The following DOCK2 variants were observed in gnomAD, a reference collection of about 807,000 sequenced individuals.
The protein encoded by DOCK2 is dedicator of cytokinesis 2, also known as dedicator of cytokinesis protein 2.
In DOCK2, 87 loss-of-function variants were observed where a neutral mutation model predicts 248.9. The observed-to-expected ratio is 0.35, with a 90% CI of 0.29 to 0.42. The LOEUF (loss-of-function observed/expected upper bound fraction) is 0.42. Ranked by LOEUF, DOCK2 falls within the 10% of genes least tolerant of loss-of-function variation. The pLI, the probability that DOCK2 is intolerant of heterozygous loss-of-function variation, is 1.00. For missense variants in DOCK2, 1,747 were observed against 2,300.2 expected (o/e 0.76, Z 4.92); for synonymous variants, 805 against 821.6 (o/e 0.98, Z 0.35).
At chr5:169,965,251 T>TGA (rs1777253735) in intron 27 of DOCK2, among the ~76,000 whole-genome samples, 1 of 152,254 alleles carries the variant, frequency 6.6e-6, no homozygotes, top group Admixed American at 6.5e-5. Context: ...CCTGCAGATC[T>TGA]TAGAATCACA....
intron 27 of DOCK2, among the ~76,000 whole-genome samples, chr5:169,965,362 G>T (rs1000379674): frequency 1.8e-4 from 27 of 152,338 alleles, no homozygotes; most frequent in Non-Finnish European, 2.5e-4. Flanking sequence ...ACTCTGAGTA[G>T]CAAGATAGAC....
At chr5:169,736,202 G>A (rs1168117857) in intron 22 of DOCK2, among the ~76,000 whole-genome samples, 1 of 152,184 alleles carries the variant, frequency 6.6e-6, no homozygotes, top group Non-Finnish European at 1.5e-5. Flanking sequence ...CTAGAATTGA[G>A]AGTCCATGAT....
At chr5:169,662,405 C>G (rs1312199127) in intron 2 of DOCK2, among the ~76,000 whole-genome samples, 1 of 152,128 alleles carries the variant, frequency 6.6e-6, no homozygotes, top group Non-Finnish European at 1.5e-5. Context: ...CCCTAATTCA[C>G]AGGTTTTTGT....
intron 22 of DOCK2, among the ~76,000 whole-genome samples, chr5:169,725,701 A>C (rs1762434332): frequency 7.1e-6 from 1 of 140,704 alleles, no homozygotes; most frequent in East Asian, 2.1e-4. Flanking sequence ...GTTCCCCACC[A>C]TGTGTCCATG....
At chr5:170,035,958 A>G (rs1205556336) in intron 35 of DOCK2, among the ~76,000 whole-genome samples, 1 of 152,134 alleles carries the variant, frequency 6.6e-6, no homozygotes, top group Non-Finnish European at 1.5e-5. Flanking sequence ...GCAGCTACTA[A>G]TCTAAATGGC....
intron 23 of DOCK2, among the ~76,000 whole-genome samples, chr5:169,752,486 C>T (rs891943578): frequency 3.9e-5 from 6 of 152,142 alleles, no homozygotes; most frequent in African/African-American, 1.4e-4. Context: ...TGCCTGTAAT[C>T]CCAGCACTTT....
chr5:169,655,877 C>T (rs925310592), intron 2 of DOCK2, among the ~76,000 whole-genome samples: 2 of 152,106 alleles, frequency 1.3e-5, no homozygotes, highest in Non-Finnish European at 2.9e-5. Flanking sequence ...GTTCATCTTC[C>T]TTATATTTAT....
intron 27 of DOCK2, chr5:169,864,496 C>T (rs1257674644): frequency 2.3e-5 from 33 of 1,440,032 alleles, no homozygotes; most frequent in Middle Eastern, 1.8e-4. Flanking sequence ...AAAGTGAATT[C>T]GAATCAGCAC....
At chr5:169,681,049 C>T (rs1759630676) in intron 6 of DOCK2, among the ~76,000 whole-genome samples, 1 of 147,392 alleles carries the variant, frequency 6.8e-6, no homozygotes, top group Non-Finnish European at 1.5e-5. Flanking sequence ...TTTAAAAGGT[C>T]TGCTATGTGG....
At chr5:169,772,425 G>A (rs191918557) in intron 25 of DOCK2, among the ~76,000 whole-genome samples, 2 of 152,328 alleles carry the variant, frequency 1.3e-5, no homozygotes, top group Admixed American at 1.3e-4. Context: ...TGAACTGGGA[G>A]TGAGGAGACC....
chr5:169,664,033 A>G (rs1342734108), intron 2 of DOCK2, among the ~76,000 whole-genome samples: 1 of 152,212 alleles, frequency 6.6e-6, no homozygotes, highest in Non-Finnish European at 1.5e-5. Flanking sequence ...ATTTCAGACC[A>G]TCTCTTTGTG....
chr5:169,982,056 A>G (rs533901963), intron 27 of DOCK2, among the ~76,000 whole-genome samples: 17 of 148,614 alleles, frequency 1.1e-4, no homozygotes, highest in African/African-American at 4.0e-4. Context: ...GCAGCAGTTT[A>G]TGGTAAAAAT....
At chr5:169,827,965 A>G (rs1038046876) in intron 26 of DOCK2, among the ~76,000 whole-genome samples, 1 of 152,100 alleles carries the variant, frequency 6.6e-6, no homozygotes, top group African/African-American at 2.4e-5. Flanking sequence ...GTGAGTCCAT[A>G]TTTCCCAAGA....
intron 26 of DOCK2, among the ~76,000 whole-genome samples, chr5:169,822,477 C>T (rs1768522144): frequency 1.3e-5 from 2 of 152,194 alleles, no homozygotes; most frequent in Non-Finnish European, 2.9e-5. Context: ...CTCAAAACCG[C>T]TCAACTGCAT....
chr5:169,644,603 CT>C (rs1757344275), intron 1 of DOCK2, among the ~76,000 whole-genome samples: 1 of 151,538 alleles, frequency 6.6e-6, no homozygotes, highest in African/African-American at 2.4e-5. Context: ...ATTGCCTTAC[CT>C]TTTGTACCAC....
intron 27 of DOCK2, chr5:169,864,535 C>T: frequency 2.6e-6 from 3 of 1,148,756 alleles, no homozygotes; most frequent in Admixed American, 2.8e-5. Flanking sequence ...TCAGCCCCAA[C>T]TAATATGGAA....
At chr5:169,791,485 CATCA>C (rs1287361482) in intron 25 of DOCK2, among the ~76,000 whole-genome samples, 2 of 152,230 alleles carry the variant, frequency 1.3e-5, no homozygotes, top group Non-Finnish European at 2.9e-5. Flanking sequence ...CCACAACAAA[CATCA>C]ATCAATCATT....
At chr5:169,756,694 G>A (rs192662912) in intron 23 of DOCK2, among the ~76,000 whole-genome samples, 3 of 152,288 alleles carry the variant, frequency 2.0e-5, no homozygotes, top group East Asian at 1.9e-4. Flanking sequence ...GGGAGGTCAA[G>A]GCGGGTAGAT....
intron 27 of DOCK2, among the ~76,000 whole-genome samples, chr5:169,954,540 C>T (rs574154453): frequency 6.6e-6 from 1 of 152,344 alleles, no homozygotes; most frequent in East Asian, 1.9e-4. Context: ...TCAGCAGAAT[C>T]AGGCAGAGCC....
Sources: allele counts gnomAD v4.1 joint callset (sites outside exome capture counted in the v4.1 genomes callset), GRCh38; gene constraint gnomAD v4.1.1; transcripts MANE v1.5; gene names NCBI Gene and HGNC (gene_info 2026-07-23, HGNC 2026-07-21).